The following NCOR2 variants were observed in gnomAD, a reference collection of about 807,000 sequenced individuals.
NCOR2 encodes the protein nuclear receptor corepressor 2, also known as CTG repeat protein 26.
In NCOR2, 81 loss-of-function variants were observed where a neutral mutation model predicts 262.9. The ratio of observed to expected loss-of-function variants is 0.31; its 90% CI spans 0.26 to 0.37. NCOR2 has a LOEUF of 0.37. NCOR2 is among the 10% of genes least tolerant of loss of function. NCOR2 has a pLI of 1.00. For missense variants in NCOR2, 3,385 were observed against 3,621.4 expected (o/e 0.93, Z 1.68); for synonymous variants, 1,659 against 1,559.3 (o/e 1.06, Z -1.51).
At chr12:124,522,232 T>C (rs2050229414) in intron 1 of NCOR2, among the ~76,000 whole-genome samples, 1 of 152,264 alleles carries the variant, frequency 6.6e-6, no homozygotes, top group African/African-American at 2.4e-5. Flanking sequence ...AATTACATTT[T>C]ACATTTTAAT....
chr12:124,556,788 C>T (rs973028179), intron 1 of NCOR2, among the ~76,000 whole-genome samples: 10 of 151,366 alleles, frequency 6.6e-5, no homozygotes, highest in Middle Eastern at 3.4e-3. Context: ...GCAGAGGTTG[C>T]GGTGCATGGA....
chr12:124,404,022 G>A (rs537354782), intron 13 of NCOR2, among the ~76,000 whole-genome samples: 11 of 152,320 alleles, frequency 7.2e-5, no homozygotes, highest in African/African-American at 1.2e-4. Context: ...ACAGGTGCCC[G>A]GCATCCTGGG....
At chr12:124,395,172 G>A (rs2041568382) in intron 16 of NCOR2, among the ~76,000 whole-genome samples, 2 of 152,190 alleles carry the variant, frequency 1.3e-5, no homozygotes, top group East Asian at 1.9e-4. Flanking sequence ...GATGGGTAAA[G>A]GATGGGCAGA....
intron 17 of NCOR2, among the ~76,000 whole-genome samples, chr12:124,385,463 GC>G (rs1027359682): frequency 1.4e-4 from 21 of 152,294 alleles, no homozygotes; most frequent in Admixed American, 1.2e-3. Flanking sequence ...AGGGCTGAGG[GC>G]CCCCAGAGGT....
intron 13 of NCOR2, among the ~76,000 whole-genome samples, chr12:124,409,821 C>A (rs111382870): frequency 1.3e-5 from 2 of 152,006 alleles, no homozygotes; most frequent in African/African-American, 4.8e-5. Context: ...CGGACCACAG[C>A]AGCAAGCCAC....
chr12:124,396,998 GAC>G (rs1314685272), intron 16 of NCOR2, among the ~76,000 whole-genome samples: 3 of 152,352 alleles, frequency 2.0e-5, no homozygotes, highest in Admixed American at 6.5e-5. Context: ...ACGGGACAGG[GAC>G]GGGGAGTGGG....
At chr12:124,422,270 C>T (rs546285160) in intron 12 of NCOR2, among the ~76,000 whole-genome samples, 2 of 152,348 alleles carry the variant, frequency 1.3e-5, no homozygotes, top group African/African-American at 2.4e-5. Context: ...CCCAGGTGCT[C>T]AGCAACCTGA....
chr12:124,471,833 C>T (rs1202694142), intron 4 of NCOR2, among the ~76,000 whole-genome samples: 2 of 152,254 alleles, frequency 1.3e-5, no homozygotes, highest in African/African-American at 2.4e-5. Flanking sequence ...TCCCAAAGTG[C>T]TGGGATTACA....
intron 4 of NCOR2, among the ~76,000 whole-genome samples, chr12:124,469,770 G>T (rs183052216): frequency 6.6e-6 from 1 of 152,180 alleles, no homozygotes; most frequent in African/African-American, 2.4e-5. Context: ...GCAGTGACAC[G>T]CTATAAAGGG....
At chr12:124,435,634 A>G (rs1381996981) in intron 8 of NCOR2, among the ~76,000 whole-genome samples, 1 of 152,126 alleles carries the variant, frequency 6.6e-6, no homozygotes, top group African/African-American at 2.4e-5. Context: ...TGCCCCAGCT[A>G]AGCCCCTCAC....
intron 1 of NCOR2, among the ~76,000 whole-genome samples, chr12:124,557,147 G>A (rs1005642030): frequency 6.6e-6 from 1 of 152,212 alleles, no homozygotes; most frequent in Non-Finnish European, 1.5e-5. Flanking sequence ...GGGTTTTACA[G>A]GCCTCCCCCT....
chr12:124,474,592 C>G (rs967690491), intron 3 of NCOR2, among the ~76,000 whole-genome samples: 1 of 152,156 alleles, frequency 6.6e-6, no homozygotes, highest in Non-Finnish European at 1.5e-5. Context: ...CAAATCCCAG[C>G]CCCCTCTGCC....
intron 32 of NCOR2, 96 bp downstream of exon 34, chr12:124,344,501 A>C: frequency 8.6e-7 from 1 of 1,159,306 alleles, no homozygotes. Flanking sequence ...GGTGGCGAGG[A>C]TATCCCAGGT....
At chr12:124,447,181 C>T (rs4765565) in intron 7 of NCOR2, among the ~76,000 whole-genome samples, 15,209 of 152,286 alleles carry the variant, frequency 0.1, 924 homozygotes, top group East Asian at 0.18. Flanking sequence ...TTCCAAAGCG[C>T]GGGGATTACA....
chr12:124,438,806 GAGAC>G (rs1565944809), intron 7 of NCOR2, among the ~76,000 whole-genome samples: 6 of 148,774 alleles, frequency 4.0e-5, no homozygotes, highest in South Asian at 2.2e-4. Flanking sequence ...GAGAGAGAGA[GAGAC>G]GGAGACCCAG....
intron 1 of NCOR2, among the ~76,000 whole-genome samples, chr12:124,519,652 C>T (rs2050064895): frequency 6.6e-6 from 1 of 152,130 alleles, no homozygotes; most frequent in Admixed American, 6.5e-5. Flanking sequence ...CCTTCAACTC[C>T]AGCAATAACA....
At chr12:124,554,292 A>G (rs916922440) in intron 1 of NCOR2, among the ~76,000 whole-genome samples, 4 of 152,152 alleles carry the variant, frequency 2.6e-5, no homozygotes, top group African/African-American at 4.8e-5. Flanking sequence ...GGCAGTGGGG[A>G]TGGGTGTCCA....
chr12:124,324,443 C>T (rs551145109), exon 47 of NCOR2: 6 of 152,322 alleles, frequency 3.9e-5, no homozygotes, highest in Admixed American at 2.6e-4. Flanking sequence ...TTAATTAGAA[C>T]GACGTGTGTA....
chr12:124,381,279 C>T (rs1840796834), intron 17 of NCOR2, among the ~76,000 whole-genome samples: 1 of 152,132 alleles, frequency 6.6e-6, no homozygotes, highest in African/African-American at 2.4e-5. Context: ...GACACCCTTC[C>T]CCTAGATATC....
Sources: allele counts gnomAD v4.1 joint callset (sites outside exome capture counted in the v4.1 genomes callset), GRCh38; gene constraint gnomAD v4.1.1; transcripts MANE v1.5; gene names NCBI Gene and HGNC (gene_info 2026-07-23, HGNC 2026-07-21).